The following KCNIP4 variants were observed in gnomAD, a reference collection of about 807,000 sequenced individuals.
The protein encoded by KCNIP4 is Kv channel-interacting protein 4.
Under a neutral mutation model 34.0 loss-of-function variants are expected in KCNIP4, and 12 were observed. That is an observed-to-expected ratio of 0.35 (90% CI 0.23 to 0.57). KCNIP4 has a LOEUF of 0.57. Ranked by LOEUF, KCNIP4 falls within the 20% of genes least tolerant of loss-of-function variation. The probability of loss-of-function intolerance (pLI) is 0.83; values close to 1 mark genes in which losing one functional copy is unlikely to be tolerated. For synonymous variants in KCNIP4, 124 were observed against 102.2 expected (o/e 1.21, Z -1.29); for missense variants, 238 against 311.7 (o/e 0.76, Z 1.78).
At chr4:20,804,602 T>C (rs1388564447) in intron 3 of KCNIP4, among the ~76,000 whole-genome samples, 1 of 152,210 alleles carries the variant, frequency 6.6e-6, no homozygotes, top group Non-Finnish European at 1.5e-5. Context: ...TCTTTCTTCA[T>C]TGTTTATTAA....
intron 1 of KCNIP4, among the ~76,000 whole-genome samples, chr4:21,344,204 G>A (rs1717057315): frequency 6.6e-6 from 1 of 152,156 alleles, no homozygotes; most frequent in African/African-American, 2.4e-5. Flanking sequence ...CCTACAAAAG[G>A]AAGTTGGGTG....
intron 1 of KCNIP4, among the ~76,000 whole-genome samples, chr4:21,365,478 AAAATAAATAAATAAATAAAT>A (rs3048729): frequency 7.6e-6 from 1 of 132,070 alleles, no homozygotes; most frequent in Admixed American, 8.1e-5. Context: ...ACTGTCTCAA[AAAATAAATAAATAAATAAAT>A]AAATAAATAA....
intron 1 of KCNIP4, among the ~76,000 whole-genome samples, chr4:21,785,300 A>T (rs1414753220): frequency 6.6e-6 from 1 of 152,032 alleles, no homozygotes; most frequent in Non-Finnish European, 1.5e-5. Flanking sequence ...TTCGAAAAAA[A>T]AAAAACTTGG....
chr4:21,449,796 C>T, intron 1 of KCNIP4, among the ~76,000 whole-genome samples: 1 of 152,038 alleles, frequency 6.6e-6, no homozygotes, highest in African/African-American at 2.4e-5. Flanking sequence ...ATAAGAGGTG[C>T]TCACAAATGT....
intron 1 of KCNIP4, among the ~76,000 whole-genome samples, chr4:20,901,037 A>G (rs1727104534): frequency 6.6e-6 from 1 of 152,230 alleles, no homozygotes; most frequent in African/African-American, 2.4e-5. Context: ...AAATGCGTTT[A>G]TAGCAACAAT....
At chr4:21,946,932 A>ATAGT (rs1730542445) in intron 1 of KCNIP4, among the ~76,000 whole-genome samples, 1 of 152,162 alleles carries the variant, frequency 6.6e-6, no homozygotes, top group Non-Finnish European at 1.5e-5. Context: ...GATTATGGCC[A>ATAGT]CCCATGACCC....
chr4:21,794,542 C>CT (rs1376869334), intron 1 of KCNIP4, among the ~76,000 whole-genome samples: 2 of 152,114 alleles, frequency 1.3e-5, no homozygotes, highest in Non-Finnish European at 2.9e-5. Flanking sequence ...TCTGGGAAGG[C>CT]TTTCACCTAC....
intron 1 of KCNIP4, among the ~76,000 whole-genome samples, chr4:21,577,214 A>G (rs1380142207): frequency 1.3e-5 from 2 of 152,184 alleles, no homozygotes; most frequent in Non-Finnish European, 2.9e-5. Context: ...CCTGTCTGAA[A>G]AACCCTTGAC....
At chr4:20,805,363 C>T (rs967002199) in intron 3 of KCNIP4, among the ~76,000 whole-genome samples, 11 of 151,778 alleles carry the variant, frequency 7.2e-5, no homozygotes, top group South Asian at 2.1e-4. Context: ...TTGCTGTTCC[C>T]TTTAATACTC....
chr4:21,283,947 C>T (rs1306501696), intron 1 of KCNIP4, among the ~76,000 whole-genome samples: 1 of 152,098 alleles, frequency 6.6e-6, no homozygotes, highest in African/African-American at 2.4e-5. Context: ...GGCACGGTGG[C>T]TCACACCTGT....
At chr4:20,868,766 C>G (rs550074007) in intron 2 of KCNIP4, among the ~76,000 whole-genome samples, 50 of 152,228 alleles carry the variant, frequency 3.3e-4, no homozygotes, top group African/African-American at 1.1e-3. Context: ...CATGTTCTTA[C>G]TTGTGAGAGT....
intron 1 of KCNIP4, among the ~76,000 whole-genome samples, chr4:21,168,403 C>A (rs1046774318): frequency 2.6e-5 from 4 of 152,138 alleles, no homozygotes; most frequent in Non-Finnish European, 5.9e-5. Context: ...TTTCCTGAGT[C>A]TGAGTCTTTA....
At chr4:21,539,863 C>A (rs1294689044) in intron 1 of KCNIP4, among the ~76,000 whole-genome samples, 1 of 152,018 alleles carries the variant, frequency 6.6e-6, no homozygotes, top group Non-Finnish European at 1.5e-5. Flanking sequence ...CCTGTAATCC[C>A]AGCTACTCGG....
chr4:21,179,096 C>T (rs760827340), intron 1 of KCNIP4, among the ~76,000 whole-genome samples: 1 of 152,132 alleles, frequency 6.6e-6, no homozygotes, highest in Non-Finnish European at 1.5e-5. Context: ...TGATTACAGG[C>T]GTGAGCCACC....
intron 3 of KCNIP4, among the ~76,000 whole-genome samples, chr4:20,835,353 G>A (rs531988895): frequency 1.3e-5 from 2 of 151,266 alleles, no homozygotes; most frequent in South Asian, 2.1e-4. Context: ...TATGCACTTA[G>A]GTGCTAGGGT....
At chr4:21,127,719 G>A (rs1238382761) in intron 1 of KCNIP4, among the ~76,000 whole-genome samples, 2 of 152,180 alleles carry the variant, frequency 1.3e-5, no homozygotes, top group African/African-American at 2.4e-5. Flanking sequence ...AGGAATCTTG[G>A]CTAGTAAATC....
In KCNIP4 at chr4:21,519,468, A is replaced by G. The variant is rs1054903053; in HGVS notation, c.61+429103T>C. Among the ~76,000 whole-genome samples, 145 of 98,872 alleles carry G rather than the reference A, an allele frequency of 1.5e-3. 15 individuals are homozygous for G. Among genetic ancestry groups the G allele is most frequent in the African/African-American group, 6.0e-3 (137 of 22,776 alleles). 64.9% of individuals were successfully genotyped at this position (98,872 alleles called of 152,430 possible). A position where few individuals can be genotyped will look rare whatever the true frequency, so the allele number is the denominator to read the frequency against. Reference sequence around the variant, plus strand: ...TATGTGTATATACACATATGTGTGTATGTGTATGTGTATATACACATATGT... The same window carrying G: ...TATGTGTATATACACATATGTGTGTGTGTGTATGTGTATATACACATATGT... On this transcript the variant is annotated intron_variant, in intron 1 of 8. Transcript: ENST00000382152.
intron 1 of KCNIP4, among the ~76,000 whole-genome samples, chr4:21,606,823 C>A (rs556300082): frequency 2.0e-5 from 3 of 152,042 alleles, no homozygotes; most frequent in East Asian, 3.9e-4. Flanking sequence ...AAATTCCTGA[C>A]GTTAGTTTTT....
At chr4:20,854,159 G>T (rs1721333440) in intron 2 of KCNIP4, among the ~76,000 whole-genome samples, 1 of 152,130 alleles carries the variant, frequency 6.6e-6, no homozygotes, top group South Asian at 2.1e-4. Flanking sequence ...CAAAGGAAAA[G>T]AAGTCATTAT....
Sources: gnomAD v4.1 joint callset for allele counts (sites outside exome capture counted in the v4.1 genomes callset) on GRCh38, gnomAD v4.1.1 for gene constraint, MANE v1.5 for transcripts, NCBI Gene and HGNC (gene_info 2026-07-23, HGNC 2026-07-21) for gene names.